Variants in PRKG1 observed in about 807,000 individuals in gnomAD.
PRKG1 encodes the protein cGMP-dependent protein kinase 1.
PRKG1 carries 35 observed loss-of-function variants against 88.1 expected under a neutral mutation model. The observed-to-expected ratio is 0.40, with a 90% CI of 0.30 to 0.53. PRKG1 has a LOEUF of 0.53. Among genes scored for constraint, PRKG1 ranks in the 20% least tolerant of loss-of-function variants. The pLI, the probability that PRKG1 is intolerant of heterozygous loss-of-function variation, is 0.59. For missense variants in PRKG1, 540 were observed against 839.8 expected, an observed-to-expected ratio of 0.64 and a Z score of 4.41; for synonymous variants, 303 against 292.5, an observed-to-expected ratio of 1.04 and a Z score of -0.37.
intron 1 of PRKG1, among the ~76,000 whole-genome samples, chr10:51,150,051 A>T (rs1170420467): frequency 1.3e-5 from 2 of 152,150 alleles, no homozygotes; most frequent in Non-Finnish European, 2.9e-5. Context: ...AAAGATTTTT[A>T]AAAATAAATA....
intron 2 of PRKG1, among the ~76,000 whole-genome samples, chr10:51,164,288 G>T (rs981966473): frequency 5.3e-5 from 8 of 152,150 alleles, no homozygotes; most frequent in Admixed American, 2.0e-4. Context: ...AGGCAAACAG[G>T]GTCTGGAGTG....
chr10:51,479,154 G>C (rs1009504489), intron 3 of PRKG1, among the ~76,000 whole-genome samples: 8 of 151,662 alleles, frequency 5.3e-5, no homozygotes, highest in Admixed American at 3.3e-4. Context: ...ATGGACAACA[G>C]TAAACAATGA....
intron 3 of PRKG1, among the ~76,000 whole-genome samples, chr10:51,770,741 T>C (rs373685872): frequency 6.6e-6 from 1 of 152,170 alleles, no homozygotes. Context: ...AATTTCATCA[T>C]GAAACCATCC....
chr10:51,970,741 AT>A (rs1211589682), intron 5 of PRKG1, among the ~76,000 whole-genome samples: 35 of 125,288 alleles, frequency 2.8e-4, no homozygotes, highest in African/African-American at 1.5e-3. Flanking sequence ...ATCAGATTAT[AT>A]ATATATATCA....
intron 2 of PRKG1, among the ~76,000 whole-genome samples, chr10:51,229,208 T>C (rs1378796034): frequency 6.6e-6 from 1 of 152,184 alleles, no homozygotes; most frequent in Non-Finnish European, 1.5e-5. Flanking sequence ...CTGTCAATTT[T>C]GTTCAGCAAG....
At chr10:52,220,777 A>G (rs1048542901) in intron 9 of PRKG1, among the ~76,000 whole-genome samples, 2 of 152,152 alleles carry the variant, frequency 1.3e-5, no homozygotes, top group Non-Finnish European at 2.9e-5. Context: ...ATAGTATTCC[A>G]TGGTATATAT....
intron 3 of PRKG1, among the ~76,000 whole-genome samples, chr10:51,559,759 G>A (rs1291208354): frequency 6.6e-6 from 1 of 152,016 alleles, no homozygotes; most frequent in African/African-American, 2.4e-5. Flanking sequence ...ACAAATTGAT[G>A]TTACAAGCCT....
intron 1 of PRKG1, among the ~76,000 whole-genome samples, chr10:51,016,673 CTTTTTT>C (rs71029341): frequency 8.5e-5 from 3 of 35,192 alleles, no homozygotes; most frequent in Admixed American, 9.3e-4. Flanking sequence ...ATTATCCTTT[CTTTTTT>C]TTTTTTTTTT....
At chr10:52,127,752 T>C (rs975477027) in intron 7 of PRKG1, among the ~76,000 whole-genome samples, 3 of 152,124 alleles carry the variant, frequency 2.0e-5, no homozygotes, top group Admixed American at 6.6e-5. Context: ...GCAAGCATGA[T>C]TAGAAGGTAT....
chr10:51,863,912 C>T (rs954497905), intron 4 of PRKG1, among the ~76,000 whole-genome samples: 1 of 152,168 alleles, frequency 6.6e-6, no homozygotes, highest in Non-Finnish European at 1.5e-5. Flanking sequence ...TCCTGTATAT[C>T]TAATTCACAT....
At chr10:51,904,837 C>T (rs1486164577) in intron 4 of PRKG1, among the ~76,000 whole-genome samples, 1 of 152,058 alleles carries the variant, frequency 6.6e-6, no homozygotes, top group African/African-American at 2.4e-5. Context: ...CTTTTGTTTT[C>T]ACTTAATGCA....
intron 1 of PRKG1, among the ~76,000 whole-genome samples, chr10:51,027,014 A>G (rs16912789): frequency 0.22 from 33,666 of 152,078 alleles, 3,893 homozygotes; most frequent in Non-Finnish European, 0.26. Flanking sequence ...AAAAAATCCA[A>G]ATCTCTTACT....
intron 1 of PRKG1, among the ~76,000 whole-genome samples, chr10:51,058,524 T>G (rs573534225): frequency 2.0e-5 from 3 of 152,214 alleles, no homozygotes; most frequent in African/African-American, 7.2e-5. Flanking sequence ...TTAACCTTCA[T>G]TGGTACAACA....
chr10:51,568,162 T>C (rs1410505004), intron 3 of PRKG1, among the ~76,000 whole-genome samples: 1 of 150,522 alleles, frequency 6.6e-6, no homozygotes, highest in East Asian at 1.9e-4. Flanking sequence ...TTTTCATTTC[T>C]TTCCCATGTT....
chr10:51,874,673 T>A (rs1190443589), intron 4 of PRKG1, among the ~76,000 whole-genome samples: 3 of 152,218 alleles, frequency 2.0e-5, no homozygotes, highest in Non-Finnish European at 4.4e-5. Flanking sequence ...TAGCAAGTTG[T>A]GGTAAAATAT....
intron 5 of PRKG1, among the ~76,000 whole-genome samples, chr10:51,992,487 A>G (rs1176155500): frequency 3.3e-5 from 5 of 152,176 alleles, no homozygotes; most frequent in African/African-American, 9.6e-5. Context: ...CGTAAGAACT[A>G]TAACATTTTT....
chr10:51,834,874 G>A (rs1840094756), intron 4 of PRKG1, among the ~76,000 whole-genome samples: 1 of 152,098 alleles, frequency 6.6e-6, no homozygotes, highest in Non-Finnish European at 1.5e-5. Context: ...ATGGAAAAGG[G>A]TCACTGAGTC....
At chr10:52,087,199 G>C (rs1846938949) in intron 7 of PRKG1, among the ~76,000 whole-genome samples, 2 of 152,038 alleles carry the variant, frequency 1.3e-5, no homozygotes, top group South Asian at 4.1e-4. Flanking sequence ...TTGCAAATAG[G>C]GTATCTTGTA....
intron 2 of PRKG1, among the ~76,000 whole-genome samples, chr10:51,393,045 G>C (rs1489733203): frequency 7.4e-6 from 1 of 135,146 alleles, no homozygotes; most frequent in African/African-American, 2.8e-5. Context: ...GGGCGGAGGG[G>C]CTCCTCACTT....
Sources: gnomAD v4.1 joint callset for allele counts (sites outside exome capture counted in the v4.1 genomes callset) on GRCh38, gnomAD v4.1.1 for gene constraint, MANE v1.5 for transcripts, NCBI Gene and HGNC (gene_info 2026-07-23, HGNC 2026-07-21) for gene names.